The following SUN1 variants were observed in gnomAD, a reference collection of about 807,000 sequenced individuals.
SUN1 encodes the protein Sad1 and UNC84 domain containing 1, also known as SUN domain-containing protein 1.
Under a neutral mutation model 103.2 loss-of-function variants are expected in SUN1, and 61 were observed. The observed-to-expected ratio is 0.59, with a 90% CI of 0.48 to 0.73. The LOEUF is 0.73. Ranked by LOEUF, SUN1 falls within the 30% of genes least tolerant of loss-of-function variation. The probability of loss-of-function intolerance (pLI) is 0.00; values close to 1 mark genes in which losing one functional copy is unlikely to be tolerated. For synonymous variants in SUN1, 490 were observed against 425.7 expected (o/e 1.15, Z -1.86); for missense variants, 1,052 against 1,034.6 (o/e 1.02, Z -0.23).
intron 6 of SUN1, 131 bp downstream of exon 6, chr7:851,613 T>G (rs908633411): frequency 2.5e-6 from 2 of 815,428 alleles, no homozygotes; most frequent in Non-Finnish European, 3.9e-6. Flanking sequence ...GTAACGTGTC[T>G]CGTTCTTTAT....
chr7:845,936 C>A (rs1032324554), intron 5 of SUN1, among the ~76,000 whole-genome samples: 1 of 151,832 alleles, frequency 6.6e-6, no homozygotes, highest in Non-Finnish European at 1.5e-5. Flanking sequence ...CGTCAGCCTC[C>A]CCGGTGCTGC....
chr7:848,350 C>G, intron 5 of SUN1: 1 of 1,281,508 alleles, frequency 7.8e-7, no homozygotes, highest in Non-Finnish European at 1.0e-6. Context: ...ATTTGGCTAC[C>G]TGACTTATCA....
chr7:867,260 C>T (rs1057384652), intron 16 of SUN1, among the ~76,000 whole-genome samples: 1 of 152,260 alleles, frequency 6.6e-6, no homozygotes, highest in Non-Finnish European at 1.5e-5. Context: ...TGCAGGCAGA[C>T]GCAGCCTCTG....
At chr7:834,867 A>G (rs1030048886) in intron 1 of SUN1, among the ~76,000 whole-genome samples, 19 of 152,118 alleles carry the variant, frequency 1.2e-4, no homozygotes, top group Non-Finnish European at 2.4e-4. Flanking sequence ...CTTGAGGTAA[A>G]GAGTTCGAGA....
intron 2 of SUN1, chr7:839,270 G>A: frequency 3.0e-6 from 1 of 336,034 alleles, no homozygotes; most frequent in Non-Finnish European, 5.4e-6. Context: ...CAGCACTCAG[G>A]TCTGGAAGCT....
Position 836,765 on chromosome 7 carries a change from T to C in SUN1, c.78-2033T>C, listed in dbSNP as rs527402166. Among the ~76,000 whole-genome samples, 5 of 152,292 alleles carry C rather than the reference T, an allele frequency of 3.3e-5. No individual in the cohort carries two copies. In the East Asian group the frequency reaches 9.6e-4, roughly 29 times the overall value. ...ACTCAGAATAATGTTGGAGCAAATATCTGAGCGCCCAAGGCCCAGTCAGGT... is the reference window on the plus strand; with the variant it reads ...ACTCAGAATAATGTTGGAGCAAATACCTGAGCGCCCAAGGCCCAGTCAGGT... On this transcript the variant is annotated intron_variant, in intron 1 of 18. Transcript: ENST00000401592.
chr7:869,790 G>T (rs569983262), intron 17 of SUN1, among the ~76,000 whole-genome samples: 2 of 152,302 alleles, frequency 1.3e-5, no homozygotes, highest in East Asian at 3.9e-4. Context: ...CAAGTTGCCT[G>T]TGAAAGGTGT....
intron 10 of SUN1, 80 bp from the exon 11 acceptor site, chr7:854,840 T>A (rs1825667534): frequency 2.0e-6 from 2 of 998,096 alleles, no homozygotes; most frequent in Non-Finnish European, 3.1e-6. Flanking sequence ...GTATTCCGTG[T>A]AGAAACGCCT....
In SUN1 at chr7:838,883, A is replaced by G. The variant is rs777193403; in HGVS notation, c.163A>G (p.Ser55Gly). Residue 55 changes from serine to glycine, a missense_variant, in exon 2 of 19, where the codon AGT becomes GGT. This residue lies in a region of SUN1 where 846 missense variants were observed against 774.5 expected (regional missense o/e 1.09). Transcript: ENST00000401592. ...VFDSPRMSRR[S>G]LRLATTACTL... ...TGATTCTCCACGGATGTCCCGCCGT[A>G]GTTTGCGCCTGGCCACGACAGCATG... 5.9e-5 allele frequency: 95 copies of G among 1,608,554 alleles called. No homozygotes were observed. Among genetic ancestry groups the G allele is most frequent in the Non-Finnish European group, 7.5e-5 (88 of 1,177,926 alleles).
At position 862,398 on chromosome 7, in the gene SUN1, C is replaced by T. The variant is rs114686507; in HGVS notation, c.1864+934C>T. ...GGGAGCAGCTGGGTTTGATTTCAGT[C>T]ATTTGCCACCCTCTGAGTTCTTTCT... On this transcript the variant is annotated intron_variant, in intron 15 of 18. Transcript: ENST00000401592. Among the ~76,000 whole-genome samples, 908 of 152,306 alleles carry T rather than the reference C, an allele frequency of 6.0e-3. 10 individuals carry two copies. The highest frequency in any genetic ancestry group is 0.021 in the African/African-American group (859 of 41,562).
intron 1 of SUN1, among the ~76,000 whole-genome samples, chr7:817,806 T>C (rs1445253292): frequency 1.3e-5 from 2 of 152,204 alleles, no homozygotes; most frequent in Non-Finnish European, 2.9e-5. Flanking sequence ...TCTAATAATT[T>C]CCTTTTCTTT....
At chr7:848,821 A>G (rs1819072952) in intron 5 of SUN1, among the ~76,000 whole-genome samples, 1 of 152,236 alleles carries the variant, frequency 6.6e-6, no homozygotes, top group Non-Finnish European at 1.5e-5. Context: ...TGGTTCCCTC[A>G]GAGCTGATCA....
rs1351990939 is a variant in SUN1, at chr7:861,427, T to C, written c.1827T>C (p.Asp609=). The C allele has an allele frequency of 1.2e-6, 2 of 1,614,074 alleles. No homozygotes were observed. The highest frequency in any genetic ancestry group is 2.7e-5 in the African/African-American group (2 of 74,918). The change falls in exon 15 of 19, where the codon GAT becomes GAC. Residue 609 remains aspartate, a synonymous_variant. Coordinates refer to ENST00000401592, the MANE Select transcript of SUN1 (RefSeq NM_001130965.3). ...GCGCCTTGAAGCTGTATTCCCAAGA[T>C]AAGACCGGGATGGTGGACTTTGCTC... The part of the protein sequence containing the change: ...VNSALKLYSQ[D]KTGMVDFALE...
At chr7:859,908 C>T (rs1025437975) in intron 13 of SUN1, among the ~76,000 whole-genome samples, 2 of 152,054 alleles carry the variant, frequency 1.3e-5, no homozygotes, top group African/African-American at 2.4e-5. Flanking sequence ...GGATGTGGGT[C>T]GCACACATCC....
chr7:822,788 TC>T (rs539765331), intron 1 of SUN1, among the ~76,000 whole-genome samples: 134 of 152,312 alleles, frequency 8.8e-4, no homozygotes, highest in South Asian at 6.2e-3. Context: ...ACATACCTGT[TC>T]CGGTTAGACG....
chr7:840,699 T>G (rs1351534213), intron 2 of SUN1, among the ~76,000 whole-genome samples: 1 of 148,722 alleles, frequency 6.7e-6, no homozygotes, highest in East Asian at 2.1e-4. Context: ...TGGAGTGCAG[T>G]GGTGCAATCT....
At chr7:849,648 G>T in intron 5 of SUN1, 1 of 1,532,594 alleles carries the variant, frequency 6.5e-7, no homozygotes, top group Non-Finnish European at 8.9e-7. Context: ...CGTGGAGTTG[G>T]TCCCACACGC....
chr7:861,757 C>G (rs1348320408), intron 15 of SUN1, among the ~76,000 whole-genome samples: 9 of 152,182 alleles, frequency 5.9e-5, no homozygotes, highest in African/African-American at 1.9e-4. Context: ...GTGCTGTGAT[C>G]GGGGATTGTT....
chr7:859,479 G>A (rs745992420), intron 13 of SUN1, among the ~76,000 whole-genome samples: 3 of 152,208 alleles, frequency 2.0e-5, no homozygotes, highest in East Asian at 1.9e-4. Context: ...GAGGGTCAGC[G>A]CTGGGAAGTG....
Sources: allele counts gnomAD v4.1 joint callset (sites outside exome capture counted in the v4.1 genomes callset), GRCh38; gene constraint gnomAD v4.1.1; regional missense constraint gnomAD v4.1.1; transcripts MANE v1.5; gene names NCBI Gene and HGNC (gene_info 2026-07-23, HGNC 2026-07-21).